CSMD1: variants seen among roughly 807,000 people sequenced by gnomAD.
The protein encoded by CSMD1 is CUB and sushi domain-containing protein 1.
A neutral mutation model predicts 417.5 loss-of-function variants in CSMD1; 213 were observed. The observed-to-expected ratio is 0.51, with a 90% CI of 0.46 to 0.57. CSMD1 has a LOEUF of 0.57. Ranked by LOEUF, CSMD1 falls within the 20% of genes least tolerant of loss-of-function variation. The probability of loss-of-function intolerance (pLI) is 0.00; values close to 1 mark genes in which losing one functional copy is unlikely to be tolerated. For synonymous variants in CSMD1, 2,862 were observed against 1,736.8 expected, an observed-to-expected ratio of 1.65 and a Z score of -16.11; for missense variants, 6,923 against 4,529.7, an observed-to-expected ratio of 1.53 and a Z score of -15.17.
At chr8:4,414,207 G>A (rs947874248) in intron 3 of CSMD1, among the ~76,000 whole-genome samples, 1 of 152,140 alleles carries the variant, frequency 6.6e-6, no homozygotes, top group Admixed American at 6.5e-5. Flanking sequence ...CAGATCCACA[G>A]GTGTTAAAGA....
At chr8:4,292,688 A>T (rs73189961) in intron 3 of CSMD1, among the ~76,000 whole-genome samples, 28,959 of 152,146 alleles carry the variant, frequency 0.19, 3,246 homozygotes, top group East Asian at 0.48. Context: ...ATTAGAAAAA[A>T]TGATTCAGTT....
intron 7 of CSMD1, among the ~76,000 whole-genome samples, chr8:3,687,841 C>A (rs527946334): frequency 5.6e-4 from 86 of 152,306 alleles, no homozygotes; most frequent in Middle Eastern, 3.4e-3. Context: ...TCTCTCAGTC[C>A]ACTCTTGGTC....
At chr8:3,641,116 G>A (rs557122304) in intron 7 of CSMD1, among the ~76,000 whole-genome samples, 72 of 140,428 alleles carry the variant, frequency 5.1e-4, no homozygotes, top group African/African-American at 1.8e-3. Flanking sequence ...TTAGACTGAA[G>A]TTATTGCAGA....
chr8:4,310,817 C>A (rs1261811992), intron 3 of CSMD1, among the ~76,000 whole-genome samples: 1 of 152,152 alleles, frequency 6.6e-6, no homozygotes, highest in Non-Finnish European at 1.5e-5. Flanking sequence ...CTCACCTTTG[C>A]TTATTTCAGC....
chr8:4,370,094 C>T (rs1310990289), intron 3 of CSMD1, among the ~76,000 whole-genome samples: 1 of 151,560 alleles, frequency 6.6e-6, no homozygotes, highest in Non-Finnish European at 1.5e-5. Flanking sequence ...TCTTTCATTT[C>T]CATATTTAGC....
intron 3 of CSMD1, among the ~76,000 whole-genome samples, chr8:4,321,542 G>T (rs1412409621): frequency 6.6e-6 from 1 of 151,994 alleles, no homozygotes; most frequent in East Asian, 1.9e-4. Context: ...ATGAGTATCT[G>T]GTATATCACA....
Position 3,125,046 on chromosome 8 carries a change from T to C in CSMD1, c.6242-6459A>G, listed in dbSNP as rs530488727. On this transcript the variant is annotated intron_variant, in intron 41 of 69. Coordinates refer to ENST00000635120, the MANE Select transcript of CSMD1 (RefSeq NM_033225.6). ...CCGATATTCCCTCAAACTTTTGATGTATAAAGTCATATTCTCTCTTTTCTC... is the reference window on the plus strand; with the variant it reads ...CCGATATTCCCTCAAACTTTTGATGCATAAAGTCATATTCTCTCTTTTCTC... Among the ~76,000 whole-genome samples the C allele has an allele frequency of 5.3e-5, 8 of 152,348 alleles. No homozygotes were observed. The South Asian group carries it at 1.0e-3, about 20-fold the overall frequency.
At chr8:3,698,927 C>T (rs1286828855) in intron 7 of CSMD1, among the ~76,000 whole-genome samples, 1 of 152,300 alleles carries the variant, frequency 6.6e-6, no homozygotes, top group East Asian at 1.9e-4. Flanking sequence ...AACTTCCATT[C>T]TGTGGTATCC....
chr8:3,708,176 T>C (rs1554517932), intron 7 of CSMD1, among the ~76,000 whole-genome samples: 7 of 152,174 alleles, frequency 4.6e-5, no homozygotes, highest in Non-Finnish European at 8.8e-5. Context: ...GGGTCCAGTC[T>C]CAGACAGTGA....
intron 1 of CSMD1, among the ~76,000 whole-genome samples, chr8:4,900,378 G>A (rs995153471): frequency 2.5e-4 from 38 of 152,206 alleles, no homozygotes; most frequent in African/African-American, 8.9e-4. Context: ...AACCCTTGAC[G>A]AACCTCCTTC....
chr8:3,003,722 G>A lies in CSMD1; in HGVS notation c.8030-3591C>T, dbSNP rs151235761. 2.0e-3 allele frequency among the ~76,000 whole-genome samples: 309 copies of A among 152,318 alleles called. 5 individuals are homozygous for A. Among genetic ancestry groups the A allele is most frequent in the African/African-American group, 6.9e-3 (287 of 41,574 alleles). On this transcript the variant is annotated intron_variant, in intron 52 of 69. Transcript: ENST00000635120. Reference sequence around the variant, plus strand: ...GTCCTGAGGGTGTGCGGACCTAGCAGGCTGGGAACGAGTGGAAGGAACACT... The same window carrying A: ...GTCCTGAGGGTGTGCGGACCTAGCAAGCTGGGAACGAGTGGAAGGAACACT...
At chr8:3,025,841 T>C (rs1030219493) in intron 51 of CSMD1, among the ~76,000 whole-genome samples, 1 of 152,262 alleles carries the variant, frequency 6.6e-6, no homozygotes. Flanking sequence ...ATTGATATGT[T>C]ATTTTAAATT....
chr8:3,650,279 G>GAA (rs35796175), intron 7 of CSMD1, among the ~76,000 whole-genome samples: 9,808 of 145,560 alleles, frequency 0.067, 358 homozygotes, highest in South Asian at 0.12. Flanking sequence ...CTCTTTCTCA[G>GAA]AAAAAAAAAA....
chr8:3,918,603 G>A (rs1012742302), intron 5 of CSMD1, among the ~76,000 whole-genome samples: 1 of 151,842 alleles, frequency 6.6e-6, no homozygotes, highest in Admixed American at 6.6e-5. Context: ...TTGAATACGT[G>A]GTTTGCAATG....
At chr8:4,000,212 C>T (rs1450286130) in intron 4 of CSMD1, among the ~76,000 whole-genome samples, 1 of 144,570 alleles carries the variant, frequency 6.9e-6, no homozygotes, top group African/African-American at 2.6e-5. Context: ...TTCTTGGGAA[C>T]AGCCGAATGT....
chr8:4,314,520 G>A (rs551671274), intron 3 of CSMD1, among the ~76,000 whole-genome samples: 5 of 151,944 alleles, frequency 3.3e-5, no homozygotes, highest in African/African-American at 1.2e-4. Context: ...CTAATGCCTT[G>A]GGATTTCTCC....
intron 5 of CSMD1, among the ~76,000 whole-genome samples, chr8:3,995,724 G>T (rs1011400946): frequency 6.6e-6 from 1 of 152,148 alleles, no homozygotes; most frequent in Non-Finnish European, 1.5e-5. Context: ...CAGGGCTTTT[G>T]CGCCAAGCAA....
intron 1 of CSMD1, among the ~76,000 whole-genome samples, chr8:4,815,087 C>T (rs995506197): frequency 4.6e-5 from 7 of 152,012 alleles, no homozygotes; most frequent in South Asian, 4.2e-4. Flanking sequence ...CGCTGGGTGA[C>T]CTAAATTTGA....
intron 6 of CSMD1, among the ~76,000 whole-genome samples, chr8:3,717,429 T>C (rs1801903251): frequency 7.7e-6 from 1 of 130,584 alleles, no homozygotes; most frequent in Non-Finnish European, 1.8e-5. Context: ...TGAAATGCTT[T>C]TTTTATCATT....
Sources: gnomAD v4.1 joint callset for allele counts (sites outside exome capture counted in the v4.1 genomes callset) on GRCh38, gnomAD v4.1.1 for gene constraint, MANE v1.5 for transcripts, NCBI Gene and HGNC (gene_info 2026-07-23, HGNC 2026-07-21) for gene names.